Variants in SLC39A10 observed in about 807,000 individuals in gnomAD.
SLC39A10 encodes solute carrier family 39 member 10.
Under a neutral mutation model 65.1 loss-of-function variants are expected in SLC39A10, and 13 were observed. The ratio of observed to expected loss-of-function variants is 0.20; its 90% CI spans 0.13 to 0.32. SLC39A10 has a LOEUF of 0.32. Among genes scored for constraint, SLC39A10 ranks in the 10% least tolerant of loss-of-function variants. The probability of loss-of-function intolerance (pLI) is 1.00; values close to 1 mark genes in which losing one functional copy is unlikely to be tolerated. For missense variants in SLC39A10, 831 were observed against 1,018.4 expected (o/e 0.82, Z 2.50); for synonymous variants, 321 against 342.2 (o/e 0.94, Z 0.68).
intron 6 of SLC39A10, among the ~76,000 whole-genome samples, chr2:195,715,824 C>T (rs1312817874): frequency 6.6e-6 from 1 of 152,122 alleles, no homozygotes; most frequent in Non-Finnish European, 1.5e-5. Context: ...GCTTTTTATG[C>T]AGAAAAGTTG....
Position 195,716,996 on chromosome 2 carries a change from C to A in SLC39A10, c.2056C>A (p.Leu686Ile). 1 of 1,613,024 alleles carries A rather than the reference C, an allele frequency of 6.2e-7. No homozygotes were observed. The change falls in exon 7 of 10, where the codon CTC becomes ATC. Residue 686 changes from leucine to isoleucine, a missense_variant. Physicochemically the swap from Leu to Ile is conservative, Grantham distance 5 (BLOSUM62 2). Around this residue, in one of 4 missense-constraint regions of SLC39A10, gnomAD observed 120 missense variants for 203.9 expected, o/e 0.59. Coordinates refer to ENST00000359634, the MANE Select transcript of SLC39A10 (RefSeq NM_020342.3). ...TGGCATCCACAACTTCAGTGATGGG[C>A]TCGCAATTGGTAAGTGGACTGGAAA... ...GDGIHNFSDGLAIGAAFSAGL... is the reference protein window; with the variant it reads ...GDGIHNFSDGIAIGAAFSAGL...
intron 8 of SLC39A10, among the ~76,000 whole-genome samples, chr2:195,721,587 G>T (rs930929744): frequency 1.3e-5 from 2 of 152,036 alleles, no homozygotes; most frequent in African/African-American, 4.8e-5. Context: ...TTAATGCACA[G>T]ATACGACGTC....
intron 8 of SLC39A10, among the ~76,000 whole-genome samples, chr2:195,719,727 C>T (rs1396682080): frequency 2.0e-5 from 3 of 151,526 alleles, no homozygotes; most frequent in Admixed American, 6.6e-5. Context: ...AAGCGATTCT[C>T]ATGCCTCAAG....
At chr2:195,687,934 A>G (rs556355972) in intron 3 of SLC39A10, among the ~76,000 whole-genome samples, 2 of 152,330 alleles carry the variant, frequency 1.3e-5, no homozygotes, top group South Asian at 4.1e-4. Context: ...GAAAACTGCC[A>G]TCTTGCACAT....
At chr2:195,693,580 A>G (rs1310130301) in intron 3 of SLC39A10, among the ~76,000 whole-genome samples, 1 of 151,898 alleles carries the variant, frequency 6.6e-6, no homozygotes, top group Non-Finnish European at 1.5e-5. Flanking sequence ...TTTCTGGTTT[A>G]TGTGTGTAAA....
chr2:195,698,951 A>AT lies in SLC39A10; in HGVS notation c.1217-7660dup, dbSNP rs1460585635. On this transcript the variant is annotated intron_variant, in intron 3 of 9. Coordinates refer to ENST00000359634, the MANE Select transcript of SLC39A10 (RefSeq NM_020342.3). Reference sequence around the variant, plus strand: ...GTCCAGGACTTTGTTTTGTTGGAAGATTTTTGATTTCTGATTCAGTCTTAC... The same window carrying AT: ...GTCCAGGACTTTGTTTTGTTGGAAGATTTTTTGATTTCTGATTCAGTCTTAC... 2.0e-5 allele frequency among the ~76,000 whole-genome samples: 3 copies of AT among 151,898 alleles called. No individual in the cohort carries two copies. In the East Asian group the frequency reaches 5.8e-4, roughly 29 times the overall value.
chr2:195,677,452 T>C (rs1444406958), intron 1 of SLC39A10, among the ~76,000 whole-genome samples: 1 of 152,148 alleles, frequency 6.6e-6, no homozygotes, highest in Non-Finnish European at 1.5e-5. Context: ...GAAGATCTCT[T>C]GTGCCTGGAA....
chr2:195,734,159 T>TAA (rs35001848), intron 9 of SLC39A10, among the ~76,000 whole-genome samples: 62,012 of 116,474 alleles, frequency 0.53, 16,895 homozygotes, highest in Non-Finnish European at 0.63. Context: ...CCTTTTTTTT[T>TAA]AAAAAAAAAA....
At chr2:195,618,160 G>A (rs938426327) in intron 2 of SLC39A10, among the ~76,000 whole-genome samples, 3 of 151,928 alleles carry the variant, frequency 2.0e-5, no homozygotes, top group African/African-American at 7.2e-5. Context: ...AGACCAGCCT[G>A]GCCAACATGG....
chr2:195,683,989 T>A, intron 3 of SLC39A10, 83 bp downstream of exon 3: 2 of 933,966 alleles, frequency 2.1e-6, no homozygotes, highest in Admixed American at 2.7e-5. Context: ...AAAAGAATCC[T>A]AAATTATTGA....
At position 195,683,863 on chromosome 2, in the gene SLC39A10, TA is replaced by T; in HGVS notation, c.1178del (p.Asn393ThrfsTer10). ...KLLVEDINKD[K>X]NLVPEDEANI... ...TTTTAGTTGAAGATATAAATAAGGATAAAAACCTGGTTCCTGAAGATGAGGC... is the reference window on the plus strand; with the variant it reads ...TTTTAGTTGAAGATATAAATAAGGATAAAACCTGGTTCCTGAAGATGAGGC... On this transcript the variant is annotated frameshift_variant, in exon 3 of 10. Transcript: ENST00000359634. LOFTEE classifies it high-confidence loss of function. 1 of 1,613,066 alleles carries T rather than the reference TA, an allele frequency of 6.2e-7. No individual in the cohort carries two copies. Among genetic ancestry groups the T allele is most frequent in the Non-Finnish European group, 8.5e-7 (1 of 1,179,370 alleles).
chr2:195,622,267 G>A (rs2105687879), intron 2 of SLC39A10, among the ~76,000 whole-genome samples: 1 of 152,256 alleles, frequency 6.6e-6, no homozygotes, highest in Admixed American at 6.5e-5. Context: ...ATGGGAGGCT[G>A]AGATGGGAGG....
In SLC39A10 at chr2:195,723,761, C is replaced by T. The variant is rs1049701714; in HGVS notation, c.2147-4398C>T. 2.6e-5 allele frequency among the ~76,000 whole-genome samples: 4 copies of T among 151,292 alleles called. No individual in the cohort carries two copies. In the East Asian group the frequency reaches 7.7e-4, roughly 29 times the overall value. On this transcript the variant is annotated intron_variant, in intron 8 of 9. Coordinates refer to ENST00000359634, the MANE Select transcript of SLC39A10 (RefSeq NM_020342.3). The stretch of plus-strand genomic sequence containing the variant: ...ACATTTTGATTAAAAAAAAAAAATA[C>T]AGCCATGGGGCAAGGGTTAGAAAAC...
chr2:195,647,204 A>T (rs929719160), intron 2 of SLC39A10, among the ~76,000 whole-genome samples: 2 of 152,040 alleles, frequency 1.3e-5, no homozygotes, highest in African/African-American at 4.8e-5. Context: ...GGATCCAGGG[A>T]TTAGCATGTG....
intron 2 of SLC39A10, among the ~76,000 whole-genome samples, chr2:195,615,973 T>C (rs931731683): frequency 1.3e-5 from 2 of 152,228 alleles, no homozygotes; most frequent in Non-Finnish European, 2.9e-5. Context: ...TCTTTTTATG[T>C]TTCCTAGCAG....
Position 195,716,892 on chromosome 2 carries a change from C to T in SLC39A10, c.1952C>T (p.Ser651Phe). ...HQWHHKHSHH[S>F]HGPCHSGSDL... ...TGGCACCACAAGCATTCTCATCATTCCCATGGCCCCTGTCATTCTGGATCC... is the reference window on the plus strand; with the variant it reads ...TGGCACCACAAGCATTCTCATCATTTCCATGGCCCCTGTCATTCTGGATCC... Residue 651 changes from serine to phenylalanine, a missense_variant, in exon 7 of 10, where the codon TCC becomes TTC. Ser to Phe is a radical substitution (Grantham distance 155). Transcript: ENST00000359634. 1 of 1,614,162 alleles carries T rather than the reference C, an allele frequency of 6.2e-7. No homozygotes were observed.
Position 195,737,093 on chromosome 2 carries a change from A to ATTCT in SLC39A10, c.*2053_*2056dup, listed in dbSNP as rs1251317937. On this transcript the variant is annotated 3_prime_UTR_variant, in exon 10 of 10. Transcript: ENST00000359634. ...GCTGAAGTATATAAAGAAGTTTTAT[A>ATTCT]TTCTCTCAAAAATGGTATTATCTTT... 2 of 152,524 alleles carry ATTCT rather than the reference A, an allele frequency of 1.3e-5. No individual in the cohort carries two copies. The highest frequency in any genetic ancestry group is 4.8e-5 in the African/African-American group (2 of 41,450). The allele number at this position is 152,524 out of a possible 1,614,324, so 9.4% of individuals were successfully genotyped here. A position where few individuals can be genotyped will look rare whatever the true frequency, so the allele number is the denominator to read the frequency against.
intron 4 of SLC39A10, among the ~76,000 whole-genome samples, chr2:195,707,560 G>C (rs1261545997): frequency 6.6e-6 from 1 of 150,874 alleles, no homozygotes; most frequent in Non-Finnish European, 1.5e-5. Flanking sequence ...GAGAATTCCA[G>C]ATTTAGTATC....
chr2:195,718,471 C>A, intron 8 of SLC39A10, 139 bp downstream of exon 8: 1 of 532,022 alleles, frequency 1.9e-6, no homozygotes, highest in Non-Finnish European at 3.4e-6. Flanking sequence ...TAAGATACTT[C>A]ATGATGTTAA....
Sources: gnomAD v4.1 joint callset for allele counts (sites outside exome capture counted in the v4.1 genomes callset) on GRCh38, gnomAD v4.1.1 for gene constraint, gnomAD v4.1.1 regional missense constraint, MANE v1.5 for transcripts, NCBI Gene and HGNC (gene_info 2026-07-23, HGNC 2026-07-21) for gene names.